The following TMEM143 variants were observed in gnomAD, a reference collection of about 807,000 sequenced individuals.
TMEM143 encodes the protein transmembrane protein 143.
Under a neutral mutation model 40.3 loss-of-function variants are expected in TMEM143, and 45 were observed. The ratio of observed to expected loss-of-function variants is 1.12; its 90% CI spans 0.88 to 1.43. The LOEUF (loss-of-function observed/expected upper bound fraction) is 1.43. TMEM143 is among the 40% of genes most tolerant of loss of function. The pLI is 0.00. For synonymous variants in TMEM143, 299 were observed against 282.7 expected (o/e 1.06, Z -0.58); for missense variants, 620 against 613.4 (o/e 1.01, Z -0.11).
Position 48,333,373 on chromosome 19 carries a change from T to G in TMEM143, c.1226A>C (p.Glu409Ala), listed in dbSNP as rs538981680. The G allele has an allele frequency of 6.6e-5, 106 of 1,608,676 alleles. 3 individuals carry two copies. The South Asian group carries it at 1.1e-3, about 16-fold the overall frequency. The change falls in exon 8 of 8, where the codon GAG (glutamate) becomes GCG (alanine). Residue 409 changes from glutamate (E) to alanine (A), a missense_variant. Physicochemically the swap from Glu to Ala is moderately radical, Grantham distance 107. Transcript: ENST00000293261. This position sits in a 1 kb window ranked among gnomAD's most constrained non-coding sequence, Gnocchi z 4.1. ...GGCCCGAGTTCCGTTGAAGGTCACC[T>G]CACAGCCTGACTTGGCTAGGAGCCA... ...ENWLLAKSGC[E>A]VTFNGTRALA...
chr19:48,353,202 C>T (rs887172071), intron 3 of TMEM143, among the ~76,000 whole-genome samples: 1 of 144,772 alleles, frequency 6.9e-6, no homozygotes, highest in African/African-American at 2.6e-5. Context: ...TTTTTTTAAA[C>T]GGGGTCTCAC....
chr19:48,347,700 G>A (rs1969669500), intron 3 of TMEM143, among the ~76,000 whole-genome samples: 1 of 151,850 alleles, frequency 6.6e-6, no homozygotes, highest in South Asian at 2.1e-4. Context: ...GGGACTACAA[G>A]CGAGCACCAC....
intron 3 of TMEM143, among the ~76,000 whole-genome samples, chr19:48,359,029 G>A (rs1474458194): frequency 6.6e-6 from 1 of 152,134 alleles, no homozygotes; most frequent in South Asian, 2.1e-4. Context: ...ATTAGCAGGG[G>A]GAGGTCGTGG....
intron 4 of TMEM143, among the ~76,000 whole-genome samples, chr19:48,344,241 G>T (rs557931464): frequency 0.014 from 2,144 of 148,206 alleles, 24 homozygotes; most frequent in Middle Eastern, 0.13. Flanking sequence ...TAGGGGCTTG[G>T]TTTTTTTTTT....
At chr19:48,345,933 C>T (rs1326189789) in intron 3 of TMEM143, among the ~76,000 whole-genome samples, 4 of 143,286 alleles carry the variant, frequency 2.8e-5, no homozygotes, top group Non-Finnish European at 4.6e-5. Flanking sequence ...TACAGATGCA[C>T]GCCACCATGC....
At chr19:48,335,583 C>T (rs988875456) in intron 6 of TMEM143, among the ~76,000 whole-genome samples, 47 of 152,218 alleles carry the variant, frequency 3.1e-4, no homozygotes, top group African/African-American at 1.1e-3. Context: ...ATTAGCCGGG[C>T]ATGGTGGCTC....
At chr19:48,352,705 G>T (rs1969804281) in intron 3 of TMEM143, among the ~76,000 whole-genome samples, 1 of 151,984 alleles carries the variant, frequency 6.6e-6, no homozygotes, top group Non-Finnish European at 1.5e-5. Context: ...AACCCAAGAG[G>T]CAGAGGTTGC....
At position 48,335,422 on chromosome 19, in the gene TMEM143, T is replaced by G. The variant is rs993202306; in HGVS notation, c.976-1225A>C. Among the ~76,000 whole-genome samples, 38 of 151,764 alleles carry G rather than the reference T, an allele frequency of 2.5e-4. 1 individual carries two copies. Among genetic ancestry groups the G allele is most frequent in the African/African-American group, 8.5e-4 (35 of 41,364 alleles). Reference sequence around the variant, plus strand: ...CAAAAGCTTCATCTCTACAAAAAATTAAAATTAAAAAACAATAGCAGGCTG... The same window carrying G: ...CAAAAGCTTCATCTCTACAAAAAATGAAAATTAAAAAACAATAGCAGGCTG... On this transcript the variant is annotated intron_variant, in intron 6 of 7. Transcript: ENST00000293261.
chr19:48,350,631 C>T (rs1355075518), intron 3 of TMEM143, among the ~76,000 whole-genome samples: 2 of 151,954 alleles, frequency 1.3e-5, no homozygotes, highest in Non-Finnish European at 2.9e-5. Flanking sequence ...AAAAGAATGA[C>T]TTAATTGGTG....
In TMEM143 at chr19:48,358,329, A is replaced by C. The variant is rs1027364282; in HGVS notation, c.369+1743T>G. Among the ~76,000 whole-genome samples, 8 of 151,898 alleles carry C rather than the reference A, an allele frequency of 5.3e-5. No homozygotes were observed. In the East Asian group the frequency reaches 1.5e-3, roughly 29 times the overall value. On this transcript the variant is annotated intron_variant, in intron 3 of 7. Transcript: ENST00000293261. The stretch of plus-strand genomic sequence containing the variant: ...AACCCGGAAGACAGAGGTTGCAGTG[A>C]GCCAAGATCGCACCATTGCACTCTA...
chr19:48,344,523 G>C (rs1278883363), intron 4 of TMEM143, among the ~76,000 whole-genome samples: 1 of 151,970 alleles, frequency 6.6e-6, no homozygotes, highest in Non-Finnish European at 1.5e-5. Context: ...TCCTGGGCTC[G>C]AGCGATCCTC....
chr19:48,352,942 C>T (rs1040817371), intron 3 of TMEM143, among the ~76,000 whole-genome samples: 1 of 152,060 alleles, frequency 6.6e-6, no homozygotes, highest in Non-Finnish European at 1.5e-5. Flanking sequence ...AATCATCTCT[C>T]TCTAGATTAC....
rs200666044 is a variant in TMEM143, at chr19:48,342,712, G to A, written c.793C>T (p.Leu265=). The change falls in exon 6 of 8, where the codon CTG becomes TTG. Residue 265 remains leucine (L), a synonymous_variant. Transcript: ENST00000293261. ...GTGCGCACCTTCAGCTCCGGCAGCA[G>A]CTGCTCCAGGCCTTCCAGCGGCGTG... ...KDTPLEGLEQ[L]LPELKVRTPT... The A allele has an allele frequency of 6.2e-7, 1 of 1,614,152 alleles. No homozygotes were observed. Among genetic ancestry groups the A allele is most frequent in the African/African-American group, 1.3e-5 (1 of 75,064 alleles).
At chr19:48,339,580 G>A (rs1306446815) in intron 6 of TMEM143, among the ~76,000 whole-genome samples, 1 of 152,174 alleles carries the variant, frequency 6.6e-6, no homozygotes, top group Admixed American at 6.5e-5. Flanking sequence ...CTGCACATGG[G>A]CTTGGGTGTG....
rs553369848 is a variant in TMEM143 at position 48,342,633 on chromosome 19, G to A, written c.872C>T (p.Ala291Val). 36 of 1,613,916 alleles carry A rather than the reference G, an allele frequency of 2.2e-5. No homozygotes were observed. The highest frequency in any genetic ancestry group is 6.7e-5 in the African/African-American group (5 of 75,058). Residue 291 changes from alanine (A) to valine (V), a missense_variant, in exon 6 of 8, where the codon GCG becomes GTG. Ala to Val is a moderately conservative substitution (Grantham distance 64). Transcript: ENST00000293261. ...CACCATGCCCACGTTGACGAAGATC[G>A]CCACGCCGGAGACTACCAGCATGAG... ...LNLMLVVSGV[A>V]IFVNVGMVVL...
In TMEM143 at chr19:48,343,389, C is replaced by T. The variant is rs11672365; in HGVS notation, c.627G>A (p.Gly209=). ...IHFWALGQRV[G]QMPLKSSVGS... is the part of the protein sequence containing the mutation. ...CCACGCTGGACTTCAGGGGCATCTGCCCGACTCGCTGGCCCAGGGCCCAGA... is the reference window on the plus strand; with the variant it reads ...CCACGCTGGACTTCAGGGGCATCTGTCCGACTCGCTGGCCCAGGGCCCAGA... Residue 209 remains glycine (G), a synonymous_variant, in exon 5 of 8, where the codon GGG becomes GGA. Transcript: ENST00000293261. The T allele has an allele frequency of 0.016, 26,008 of 1,603,854 alleles. 301 individuals carry two copies. The highest frequency in any genetic ancestry group is 0.084 in the Middle Eastern group (474 of 5,652).
rs776434305 is a variant in TMEM143 at position 48,360,158 on chromosome 19, C to T, written c.283G>A (p.Ala95Thr). The change falls in exon 3 of 8, where the codon GCA becomes ACA. Residue 95 changes from alanine to threonine, a missense_variant. Coordinates refer to ENST00000293261, the MANE Select transcript of TMEM143 (RefSeq NM_018273.4). ...LLIQEFHSSP[A>T]EKAALEAFSA... is the part of the protein sequence containing the mutation. The stretch of plus-strand genomic sequence containing the variant: ...AACGCCTCCAAAGCCGCCTTCTCTG[C>T]CGGACTCGAGTGGAATTCCTGTTAC... The T allele has an allele frequency of 2.0e-5, 33 of 1,614,012 alleles. No individual in the cohort carries two copies. Among genetic ancestry groups the T allele is most frequent in the Non-Finnish European group, 2.6e-5 (31 of 1,180,002 alleles).
chr19:48,335,946 G>A (rs1400812555), intron 6 of TMEM143, among the ~76,000 whole-genome samples: 1 of 151,974 alleles, frequency 6.6e-6, no homozygotes, highest in Non-Finnish European at 1.5e-5. Flanking sequence ...GAAGGATGTT[G>A]GGGGGAAGAA....
intron 2 of TMEM143, among the ~76,000 whole-genome samples, chr19:48,362,056 GTGTGTGCGTGTATT>G (rs1167085967): frequency 1.4e-5 from 2 of 144,498 alleles, no homozygotes; most frequent in Non-Finnish European, 2.9e-5. Flanking sequence ...GCATATATTT[GTGTGTGCGTGTATT>G]TGTGTGTGTG....
Sources: gnomAD v4.1 joint callset for allele counts (sites outside exome capture counted in the v4.1 genomes callset) on GRCh38, gnomAD v4.1.1 for gene constraint, Gnocchi (gnomAD v3.1) non-coding constraint, MANE v1.5 for transcripts, NCBI Gene and HGNC (gene_info 2026-07-23, HGNC 2026-07-21) for gene names.